CELF2: variants seen among roughly 807,000 people sequenced by gnomAD.
CELF2 encodes CUGBP Elav-like family member 2, also known as CUG triplet repeat RNA-binding protein 2.
In CELF2, 8 loss-of-function variants were observed where a neutral mutation model predicts 62.6. That is an observed-to-expected ratio of 0.13 (90% CI 0.07 to 0.23). The LOEUF (loss-of-function observed/expected upper bound fraction) is 0.23, where lower values mean the gene tolerates loss of function less well. CELF2 is among the 10% of genes least tolerant of loss of function. The pLI is 1.00. For synonymous variants in CELF2, 258 were observed against 250.0 expected (o/e 1.03, Z -0.30); for missense variants, 333 against 671.0 (o/e 0.50, Z 5.56).
intron 1 of CELF2, among the ~76,000 whole-genome samples, chr10:10,809,205 TTCTC>T (rs2055578642): frequency 6.6e-6 from 1 of 152,124 alleles, no homozygotes; most frequent in South Asian, 2.1e-4. Context: ...TTCTCTCTCT[TTCTC>T]TCTGTCTCTG....
chr10:10,507,666 G>A, the CELF2 span, among the ~76,000 whole-genome samples: 1 of 152,170 alleles, frequency 6.6e-6, no homozygotes, highest in African/African-American at 2.4e-5. Flanking sequence ...AGACCAGGAT[G>A]GAAAGGAGAG....
At chr10:10,824,139 A>T (rs569308888) in intron 1 of CELF2, among the ~76,000 whole-genome samples, 21 of 152,240 alleles carry the variant, frequency 1.4e-4, no homozygotes, top group Non-Finnish European at 2.8e-4. Context: ...TGTTTCTATT[A>T]TACAACAAAT....
intron 1 of CELF2, among the ~76,000 whole-genome samples, chr10:11,056,988 G>T (rs546111408): frequency 1.1e-4 from 16 of 152,298 alleles, no homozygotes; most frequent in Non-Finnish European, 2.1e-4. Context: ...GAACCGCTGC[G>T]TGAAGTGTCC....
rs143906025 is a variant in CELF2 at position 10,917,094 on chromosome 10, T to A, written c.54-2870T>A. Among the ~76,000 whole-genome samples, 53 of 152,328 alleles carry A rather than the reference T, an allele frequency of 3.5e-4. No individual in the cohort carries two copies. In the East Asian group the frequency reaches 0.01, roughly 29 times the overall value. Reference sequence around the variant, plus strand: ...ACACTTGTATTTCATCAATTTTACATCAGGCTTAATTAAATTTAAAAATTA... The same window carrying A: ...ACACTTGTATTTCATCAATTTTACAACAGGCTTAATTAAATTTAAAAATTA... On this transcript the variant is annotated intron_variant, in intron 1 of 13. Transcript: ENST00000636488.
intron 1 of CELF2, among the ~76,000 whole-genome samples, chr10:11,153,145 A>G (rs1215718330): frequency 6.6e-6 from 1 of 151,980 alleles, no homozygotes; most frequent in African/African-American, 2.4e-5. Context: ...TGGCAATTTA[A>G]TTTTTTTTGC....
chr10:10,503,625 T>C, the CELF2 span, among the ~76,000 whole-genome samples: 16 of 152,108 alleles, frequency 1.1e-4, no homozygotes, highest in East Asian at 3.1e-3. Context: ...GTGATTTTAT[T>C]ATGGATAGTA....
At chr10:10,554,195 G>A in the CELF2 span, among the ~76,000 whole-genome samples, 8 of 152,234 alleles carry the variant, frequency 5.3e-5, no homozygotes, top group Non-Finnish European at 7.4e-5. Flanking sequence ...GGCAACAAAG[G>A]AGAGGGAATT....
the CELF2 span, among the ~76,000 whole-genome samples, chr10:10,610,164 G>A: frequency 1.3e-5 from 2 of 152,282 alleles, no homozygotes; most frequent in Admixed American, 6.5e-5. Flanking sequence ...GTAACACATT[G>A]AGCCTTGCTT....
chr10:10,782,706 G>A, the CELF2 span, among the ~76,000 whole-genome samples: 16 of 152,100 alleles, frequency 1.1e-4, no homozygotes, highest in African/African-American at 1.9e-4. Flanking sequence ...TCCTGAATGC[G>A]CCACTTTCTG....
At chr10:11,014,436 G>A (rs1212298271), upstream of CELF2, among the ~76,000 whole-genome samples, 2 of 152,202 alleles carry the variant, frequency 1.3e-5, no homozygotes, top group Non-Finnish European at 2.9e-5. Context: ...CATGGGTCAC[G>A]ATATATCAAG....
At chr10:10,771,768 C>G in the CELF2 span, among the ~76,000 whole-genome samples, 1 of 152,156 alleles carries the variant, frequency 6.6e-6, no homozygotes, top group Non-Finnish European at 1.5e-5. Context: ...AACTATAAGT[C>G]CAATTAAACC....
At chr10:10,707,172 G>C in the CELF2 span, among the ~76,000 whole-genome samples, 1 of 152,138 alleles carries the variant, frequency 6.6e-6, no homozygotes, top group Non-Finnish European at 1.5e-5. Flanking sequence ...TTGAGTGTGA[G>C]TACTCTAGTA....
chr10:11,033,397 A>G (rs1008461356), intron 1 of CELF2, among the ~76,000 whole-genome samples: 5 of 151,968 alleles, frequency 3.3e-5, no homozygotes, highest in Non-Finnish European at 5.9e-5. Flanking sequence ...ACCTGGGATT[A>G]CAGGCATGCG....
intron 3 of CELF2, among the ~76,000 whole-genome samples, chr10:11,225,777 A>G (rs1357891612): frequency 2.6e-5 from 4 of 152,154 alleles, no homozygotes; most frequent in Non-Finnish European, 5.9e-5. Context: ...TTTTTTATCT[A>G]TTTGATTCCT....
chr10:11,239,219 T>A (rs751828745), intron 3 of CELF2, among the ~76,000 whole-genome samples: 1 of 152,218 alleles, frequency 6.6e-6, no homozygotes, highest in Non-Finnish European at 1.5e-5. Flanking sequence ...AATGGCTTTG[T>A]TGCTTGTTTT....
chr10:10,798,293 C>T (rs1344685133), upstream of CELF2: 1 of 153,560 alleles, frequency 6.5e-6, no homozygotes, highest in African/African-American at 2.4e-5. Context: ...AACCAGTCTC[C>T]TGCCAGGAAT....
the CELF2 span, among the ~76,000 whole-genome samples, chr10:10,705,505 G>A: frequency 1.3e-5 from 2 of 152,126 alleles, no homozygotes; most frequent in African/African-American, 4.8e-5. Context: ...AGAGGGAGTG[G>A]TGGAAGTGTG....
In CELF2 at chr10:11,182,864, A is replaced by T. The variant is rs147534655; in HGVS notation, c.271+17182A>T. Among the ~76,000 whole-genome samples, 889 of 152,114 alleles carry T rather than the reference A, an allele frequency of 5.8e-3. 11 individuals are homozygous for T. The highest frequency in any genetic ancestry group is 0.02 in the African/African-American group (838 of 41,480). ...TGCCTTTCCTTTCCTTCACATCCAA[A>T]TCCTGTGAACTTGAGTTTTTTAATG... On this transcript the variant is annotated intron_variant, in intron 2 of 12. Transcript: ENST00000633077.
At chr10:11,125,968 A>G (rs2058621753) in intron 1 of CELF2, among the ~76,000 whole-genome samples, 1 of 152,178 alleles carries the variant, frequency 6.6e-6, no homozygotes. Flanking sequence ...ACACACGCTT[A>G]TAATTTTTAG....
Sources: gnomAD v4.1 joint callset for allele counts (sites outside exome capture counted in the v4.1 genomes callset) on GRCh38, gnomAD v4.1.1 for gene constraint, MANE v1.5 for transcripts, NCBI Gene and HGNC (gene_info 2026-07-23, HGNC 2026-07-21) for gene names.